The following GANC variants were observed in gnomAD, a reference collection of about 807,000 sequenced individuals.
GANC encodes the protein neutral alpha-glucosidase C.
Under a neutral mutation model 124.2 loss-of-function variants are expected in GANC, and 117 were observed. The ratio of observed to expected loss-of-function variants is 0.94; its 90% CI spans 0.81 to 1.10. The LOEUF (loss-of-function observed/expected upper bound fraction) is 1.10, where lower values mean the gene tolerates loss of function less well. GANC is among the 50% of genes least tolerant of loss of function. The pLI is 0.00. For missense variants in GANC, 1,140 were observed against 1,095.0 expected (o/e 1.04, Z -0.58); for synonymous variants, 377 against 376.8 (o/e 1.00, Z -0.01).
chr15:42,288,129 T>C (rs1397084531), intron 4 of GANC, among the ~76,000 whole-genome samples: 2 of 152,200 alleles, frequency 1.3e-5, no homozygotes, highest in African/African-American at 4.8e-5. Context: ...AAAGTGGTTT[T>C]ATTAGCCAGA....
chr15:42,297,956 C>T (rs1311906755), intron 6 of GANC, among the ~76,000 whole-genome samples: 1 of 152,106 alleles, frequency 6.6e-6, no homozygotes, highest in Admixed American at 6.6e-5. Context: ...CAAACATGTT[C>T]TCATGGAAAT....
chr15:42,284,945 G>A (rs764080965), intron 3 of GANC, among the ~76,000 whole-genome samples: 6 of 151,996 alleles, frequency 3.9e-5, no homozygotes, highest in Non-Finnish European at 8.8e-5. Flanking sequence ...ATTATCTAAG[G>A]ATTAATACTA....
At position 42,273,240 on chromosome 15, in the gene GANC, G is replaced by A; in HGVS notation, c.-1242G>A. ...TGCTCCTCTAGGTTCAGACGTTAGT[G>A]AAGTGAATACTCACCGACGGTATCG... is the stretch of plus-strand genomic sequence containing the variant. On this transcript the variant is annotated 5_prime_UTR_variant, in exon 1 of 24. Transcript: ENST00000318010. 1 of 1,613,066 alleles carries A rather than the reference G, an allele frequency of 6.2e-7. No homozygotes were observed. Among genetic ancestry groups the A allele is most frequent in the Non-Finnish European group, 8.5e-7 (1 of 1,179,234 alleles).
Position 42,350,688 on chromosome 15 carries a change from G to T in GANC, c.2532-641G>T, listed in dbSNP as rs1370077141. On this transcript the variant is annotated intron_variant, in intron 22 of 23. Transcript: ENST00000318010. ...CTGCCTCAGCCTCCTGAGTAGCTGGGATTACAGATGCCCACCACCATGCCT... is the reference window on the plus strand; with the variant it reads ...CTGCCTCAGCCTCCTGAGTAGCTGGTATTACAGATGCCCACCACCATGCCT... Among the ~76,000 whole-genome samples, 6 of 151,196 alleles carry T rather than the reference G, an allele frequency of 4.0e-5. No homozygotes were observed. In the East Asian group the frequency reaches 1.2e-3, roughly 29 times the overall value.
chr15:42,349,515 CTGTT>C lies in GANC; in HGVS notation c.2531+26_2531+29del, dbSNP rs760086607. 38 of 1,402,612 alleles carry C rather than the reference CTGTT, an allele frequency of 2.7e-5. No homozygotes were observed. Among genetic ancestry groups the C allele is most frequent in the East Asian group, 2.3e-4 (10 of 43,778 alleles). 86.9% of individuals were successfully genotyped at this position (1,402,612 alleles called of 1,614,324 possible). On this transcript the variant is annotated intron_variant, in intron 22 of 23. Transcript: ENST00000318010. Reference sequence around the variant, plus strand: ...CAATAGGTAATGGCAGCTAAAGAAACTGTTTGTTTTCTTAAGTAAATCACACTAT... The same window carrying C: ...CAATAGGTAATGGCAGCTAAAGAAACTGTTTTCTTAAGTAAATCACACTAT...
At position 42,293,755 on chromosome 15, in the gene GANC, T is replaced by C. The variant is rs560386405; in HGVS notation, c.512+838T>C. On this transcript the variant is annotated intron_variant, in intron 5 of 23. Coordinates refer to ENST00000318010, the MANE Select transcript of GANC (RefSeq NM_198141.3). ...GTACCCACTACTCATGTTCTTTATA[T>C]GTAAAGCCTTTTTTCTAGCCAGGCA... 2.1e-4 allele frequency among the ~76,000 whole-genome samples: 32 copies of C among 151,820 alleles called. 2 individuals are homozygous for C. Among genetic ancestry groups the C allele is most frequent in the African/African-American group, 7.5e-4 (31 of 41,070 alleles).
In GANC at chr15:42,310,447, C is replaced by T; in HGVS notation, c.887C>T (p.Thr296Ile). 6.2e-7 allele frequency: 1 copy of T among 1,607,040 alleles called. No homozygotes were observed. Among genetic ancestry groups the T allele is most frequent in the Non-Finnish European group, 8.5e-7 (1 of 1,176,302 alleles). Residue 296 changes from threonine (T) to isoleucine (I), a missense_variant, in exon 9 of 24, where the codon ACA (threonine) becomes ATA (isoleucine). By Grantham distance (89) the Thr-to-Ile change is moderately conservative (BLOSUM62 -1). Transcript: ENST00000318010. Reference protein sequence around the residue: ...NASETLVEINTEPAVEYTLTQ... With the variant: ...NASETLVEINIEPAVEYTLTQ... ...TCGGAAACACTGGTGGAGATCAATA[C>T]AGAGCCTGCAGTAGAGGTGAGCTAT... is the stretch of plus-strand genomic sequence containing the variant.
At chr15:42,350,855 G>C (rs1299903558) in intron 22 of GANC, among the ~76,000 whole-genome samples, 1 of 140,654 alleles carries the variant, frequency 7.1e-6, no homozygotes, top group Non-Finnish European at 1.5e-5. Flanking sequence ...CATGCCCAGC[G>C]AGTCGTCTTT....
rs116373357 is a variant in GANC, at chr15:42,346,931, A to G, written c.2304+1099A>G. Among the ~76,000 whole-genome samples the G allele has an allele frequency of 6.8e-3, 1,038 of 152,310 alleles. 15 individuals carry two copies. Among genetic ancestry groups the G allele is most frequent in the African/African-American group, 0.024 (1,000 of 41,554 alleles). ...TATTTTGTAAACCATCAGCAGCAAT[A>G]TGAACCCCATTATTTAAAAAAATAG... On this transcript the variant is annotated intron_variant, in intron 20 of 23. Coordinates refer to ENST00000318010, the MANE Select transcript of GANC (RefSeq NM_198141.3).
At chr15:42,281,451 A>G (rs1336037815) in intron 3 of GANC, among the ~76,000 whole-genome samples, 1 of 152,154 alleles carries the variant, frequency 6.6e-6, no homozygotes, top group East Asian at 1.9e-4. Flanking sequence ...TGGGAGGCCA[A>G]AGCAGGCAGA....
intron 6 of GANC, among the ~76,000 whole-genome samples, chr15:42,303,908 A>T (rs1350472260): frequency 6.6e-6 from 1 of 152,148 alleles, no homozygotes; most frequent in African/African-American, 2.4e-5. Flanking sequence ...TAATAGTGGG[A>T]GACTTTAACA....
At position 42,280,994 on chromosome 15, in the gene GANC, G is replaced by A. The variant is rs1000797984; in HGVS notation, c.201+2404G>A. On this transcript the variant is annotated intron_variant, in intron 3 of 23. Coordinates refer to ENST00000318010, the MANE Select transcript of GANC (RefSeq NM_198141.3). ...AAACCACAGTCCAGGAGGAGACACA[G>A]GATCTCAGCACAAGACAGCACCTGG... 1.6e-5 allele frequency: 11 copies of A among 702,446 alleles called. No homozygotes were observed. The African/African-American group carries it at 1.9e-4, about 12-fold the overall frequency. 43.5% of individuals were successfully genotyped at this position (702,446 alleles called of 1,614,324 possible).
At chr15:42,312,661 C>T (rs1210593310) in intron 10 of GANC, among the ~76,000 whole-genome samples, 1 of 152,200 alleles carries the variant, frequency 6.6e-6, no homozygotes, top group African/African-American at 2.4e-5. Context: ...TGCCACTGCC[C>T]AGGCACGGTG....
At position 42,273,725 on chromosome 15, in the gene GANC, A is replaced by G. The variant is rs2051616866; in HGVS notation, c.-757A>G. The G allele has an allele frequency of 3.1e-6, 1 of 323,188 alleles. No homozygotes were observed. The highest frequency in any genetic ancestry group is 2.1e-5 in the African/African-American group (1 of 48,128). The allele number at this position is 323,188 out of a possible 1,614,324, so 20.0% of individuals were successfully genotyped here. Reference sequence around the variant, plus strand: ...CACCCCGTGCAGGATTTGGCTCTCTACTTCCGCTCGCCCCAGCCCTTCATC... The same window carrying G: ...CACCCCGTGCAGGATTTGGCTCTCTGCTTCCGCTCGCCCCAGCCCTTCATC... On this transcript the variant is annotated 5_prime_UTR_variant, in exon 1 of 24. Coordinates refer to ENST00000318010, the MANE Select transcript of GANC (RefSeq NM_198141.3).
intron 3 of GANC, among the ~76,000 whole-genome samples, chr15:42,279,972 G>C (rs1028684256): frequency 1.3e-5 from 2 of 152,182 alleles, no homozygotes; most frequent in Non-Finnish European, 1.5e-5. Flanking sequence ...CAATTGTACA[G>C]TAAGGAAAAC....
intron 3 of GANC, among the ~76,000 whole-genome samples, chr15:42,281,325 C>A (rs2051731708): frequency 6.6e-6 from 1 of 152,166 alleles, no homozygotes. Flanking sequence ...CTGTTAGAGA[C>A]AACAGAGGTG....
At chr15:42,328,219 T>C (rs538686905) in intron 13 of GANC, among the ~76,000 whole-genome samples, 41 of 152,196 alleles carry the variant, frequency 2.7e-4, no homozygotes, top group Admixed American at 7.2e-4. Context: ...ATTAGGGCAC[T>C]AATAAACAAC....
intron 2 of GANC, 35 bp downstream of exon 2, chr15:42,276,445 ATC>A: frequency 1.1e-6 from 1 of 934,680 alleles, no homozygotes; most frequent in Middle Eastern, 2.8e-4. Flanking sequence ...AGATCAAAAC[ATC>A]TCTGACAGTA....
chr15:42,282,473 A>G (rs1278918844), intron 3 of GANC, among the ~76,000 whole-genome samples: 3 of 152,218 alleles, frequency 2.0e-5, no homozygotes, highest in Non-Finnish European at 4.4e-5. Flanking sequence ...TCAGAATGAT[A>G]GCTTTTTATT....
Sources: allele counts gnomAD v4.1 joint callset (sites outside exome capture counted in the v4.1 genomes callset), GRCh38; gene constraint gnomAD v4.1.1; transcripts MANE v1.5; gene names NCBI Gene and HGNC (gene_info 2026-07-23, HGNC 2026-07-21).